The following COBL variants were observed in gnomAD, a reference collection of about 807,000 sequenced individuals.
COBL encodes protein cordon-bleu.
Under a neutral mutation model 98.8 loss-of-function variants are expected in COBL, and 51 were observed. The ratio of observed to expected loss-of-function variants is 0.52; its 90% CI spans 0.41 to 0.65. The LOEUF is 0.65. COBL is among the 30% of genes least tolerant of loss of function. The pLI is 0.00. For synonymous variants in COBL, 634 were observed against 651.7 expected, an observed-to-expected ratio of 0.97 and a Z score of 0.41; for missense variants, 1,617 against 1,617.5, an observed-to-expected ratio of 1.00 and a Z score of 0.01.
At chr7:51,087,919 C>T (rs1016288733) in intron 6 of COBL, among the ~76,000 whole-genome samples, 2 of 151,556 alleles carry the variant, frequency 1.3e-5, no homozygotes, top group South Asian at 4.2e-4. Context: ...ACTGGACAGT[C>T]AGTATAGATG....
At chr7:51,085,080 G>T (rs1794069669) in intron 7 of COBL, 86 bp downstream of exon 7, 7 of 1,590,588 alleles carry the variant, frequency 4.4e-6, no homozygotes, top group Non-Finnish European at 6.0e-6. Context: ...TATGGATGAG[G>T]CCACTGCAGG....
At chr7:51,222,730 A>AT (rs1182647642) in intron 1 of COBL, among the ~76,000 whole-genome samples, 1 of 151,958 alleles carries the variant, frequency 6.6e-6, no homozygotes, top group Non-Finnish European at 1.5e-5. Context: ...AAAAAAAAAA[A>AT]GTGTTTTTCA....
intron 7 of COBL, among the ~76,000 whole-genome samples, chr7:51,056,608 A>G (rs550973993): frequency 6.6e-6 from 1 of 152,198 alleles, no homozygotes; most frequent in Non-Finnish European, 1.5e-5. Flanking sequence ...GACTGTGAAG[A>G]TGACTAATTT....
chr7:51,142,372 A>G lies in COBL; in HGVS notation c.784-6041T>C, dbSNP rs949926919. ...AAAATGAGCAAACAAAGAGTATCCAACTGGTATTTGATTTTTTTTTTTTTT... is the reference window on the plus strand; with the variant it reads ...AAAATGAGCAAACAAAGAGTATCCAGCTGGTATTTGATTTTTTTTTTTTTT... On this transcript the variant is annotated intron_variant, in intron 5 of 12. Transcript: ENST00000265136. Among the ~76,000 whole-genome samples, 46 of 149,170 alleles carry G rather than the reference A, an allele frequency of 3.1e-4. 1 individual carries two copies. The highest frequency in any genetic ancestry group is 6.8e-5 in the Admixed American group (1 of 14,644).
chr7:51,107,721 CAG>C (rs1281750015), intron 6 of COBL, among the ~76,000 whole-genome samples: 1 of 152,158 alleles, frequency 6.6e-6, no homozygotes, highest in African/African-American at 2.4e-5. Flanking sequence ...ACTCAGGACC[CAG>C]AGAGAGCAGA....
intron 6 of COBL, among the ~76,000 whole-genome samples, chr7:51,105,123 C>T (rs1319001028): frequency 1.3e-5 from 2 of 151,920 alleles, no homozygotes; most frequent in African/African-American, 4.8e-5. Context: ...GAGGGACTTC[C>T]ATGCTAGGAG....
At chr7:51,185,021 G>C (rs1264871376) in intron 4 of COBL, among the ~76,000 whole-genome samples, 2 of 152,128 alleles carry the variant, frequency 1.3e-5, no homozygotes, top group Non-Finnish European at 2.9e-5. Context: ...ACATTCTCTA[G>C]GGGAGCAATT....
At chr7:51,106,851 C>G (rs973998199) in intron 6 of COBL, among the ~76,000 whole-genome samples, 2 of 132,890 alleles carry the variant, frequency 1.5e-5, no homozygotes, top group South Asian at 2.4e-4. Flanking sequence ...TGAGGAGAAA[C>G]AAAAGTTGCT....
intron 6 of COBL, among the ~76,000 whole-genome samples, chr7:51,112,391 T>C (rs1011625849): frequency 6.6e-5 from 10 of 152,202 alleles, no homozygotes; most frequent in Admixed American, 5.2e-4. Flanking sequence ...ATATAGTTTA[T>C]GATTAATATG....
intron 8 of COBL, among the ~76,000 whole-genome samples, chr7:51,039,039 C>G (rs1466772841): frequency 6.6e-6 from 1 of 151,636 alleles, no homozygotes; most frequent in Non-Finnish European, 1.5e-5. Flanking sequence ...GACTCAGGGA[C>G]CAGGCACAGG....
At chr7:51,159,335 G>GGGTT (rs1281919450) in intron 5 of COBL, among the ~76,000 whole-genome samples, 1 of 152,212 alleles carries the variant, frequency 6.6e-6, no homozygotes, top group Non-Finnish European at 1.5e-5. Flanking sequence ...GACGCTATGA[G>GGGTT]GGTTGCAGGT....
chr7:51,316,567 C>A, intron 1 of COBL, 26 bp downstream of exon 1: 2 of 1,207,112 alleles, frequency 1.7e-6, no homozygotes, highest in Non-Finnish European at 2.1e-6. Context: ...CCCCTCTCCA[C>A]CCCGCCCGAC....
At chr7:51,060,542 A>AC (rs397966775) in intron 7 of COBL, among the ~76,000 whole-genome samples, 1 of 73,060 alleles carries the variant, frequency 1.4e-5, no homozygotes, top group Non-Finnish European at 2.4e-5. Context: ...GCAGTACCTT[A>AC]GAGGGCTCGG....
Position 51,028,128 on chromosome 7 carries a change from C to T in COBL, c.2968G>A (p.Gly990Arg). 6.2e-7 allele frequency: 1 copy of T among 1,614,198 alleles called. No individual in the cohort carries two copies. The highest frequency in any genetic ancestry group is 8.5e-7 in the Non-Finnish European group (1 of 1,180,022). Residue 990 changes from glycine (G) to arginine (R), a missense_variant, in exon 10 of 13, where the codon GGA becomes AGA. Transcript: ENST00000265136. ...TTTCCACTGAAACCACAGCTCTGTC[C>T]CACAGAAACACGATCCCTCTGGGAA... ...QSSQRDRVSV[G>R]QSCGFSGKQS...
chr7:51,066,677 T>C (rs1489505233), intron 7 of COBL, among the ~76,000 whole-genome samples: 1 of 152,154 alleles, frequency 6.6e-6, no homozygotes, highest in African/African-American at 2.4e-5. Flanking sequence ...TTAGCCATCA[T>C]CACTTCCTGC....
chr7:51,208,231 C>T (rs1391403602), intron 2 of COBL, among the ~76,000 whole-genome samples: 3 of 146,396 alleles, frequency 2.0e-5, no homozygotes, highest in South Asian at 2.2e-4. Flanking sequence ...CCCCTCCGCC[C>T]GGCAGCCGCC....
intron 12 of COBL, among the ~76,000 whole-genome samples, chr7:51,024,651 G>C (rs535211465): frequency 2.1e-5 from 2 of 93,654 alleles, no homozygotes; most frequent in Admixed American, 2.5e-4. Context: ...AAGCATGTAC[G>C]AGTGAATGAA....
chr7:51,126,825 C>T (rs928589267), intron 6 of COBL, among the ~76,000 whole-genome samples: 1 of 152,172 alleles, frequency 6.6e-6, no homozygotes, highest in Non-Finnish European at 1.5e-5. Flanking sequence ...AGCAGAACAT[C>T]ATCCAAGTCG....
At chr7:51,067,276 T>A (rs148140904) in intron 7 of COBL, among the ~76,000 whole-genome samples, 309 of 152,356 alleles carry the variant, frequency 2.0e-3, no homozygotes, top group African/African-American at 7.0e-3. Flanking sequence ...GCACACAAGT[T>A]ACAAATGTAT....
Sources: allele counts gnomAD v4.1 joint callset (sites outside exome capture counted in the v4.1 genomes callset), GRCh38; gene constraint gnomAD v4.1.1; transcripts MANE v1.5; gene names NCBI Gene and HGNC (gene_info 2026-07-23, HGNC 2026-07-21).